The following CTSA variants were observed in gnomAD, a reference collection of about 807,000 sequenced individuals.
The protein encoded by CTSA is lysosomal protective protein.
CTSA carries 42 observed loss-of-function variants against 66.7 expected under a neutral mutation model. That is an observed-to-expected ratio of 0.63 (90% confidence interval 0.49 to 0.81). The LOEUF (loss-of-function observed/expected upper bound fraction) is 0.81, where lower values mean the gene tolerates loss of function less well. Ranked by LOEUF, CTSA falls within the 40% of genes least tolerant of loss-of-function variation. CTSA has a pLI of 0.00. For synonymous variants in CTSA, 225 were observed against 248.6 expected (o/e 0.91, Z 0.89); for missense variants, 525 against 610.9 (o/e 0.86, Z 1.48).
At chr20:45,897,601 G>A (rs2145823482) in intron 12 of CTSA, 116 bp from the exon 13 acceptor site, 2 of 738,868 alleles carry the variant, frequency 2.7e-6, no homozygotes, top group Admixed American at 3.9e-5. Context: ...AAAATTCCCT[G>A]GTTCGTGTTA....
At chr20:45,894,599 G>T (rs749219731) in intron 8 of CTSA, 51 bp from the exon 9 acceptor site, 1 of 1,503,952 alleles carries the variant, frequency 6.6e-7, no homozygotes, top group African/African-American at 1.4e-5. Context: ...TGGTGGGGTC[G>T]TGGAGAGGCT....
intron 11 of CTSA, 141 bp from the exon 12 acceptor site, chr20:45,896,824 G>A: frequency 1.4e-6 from 1 of 698,724 alleles, no homozygotes; most frequent in Non-Finnish European, 2.5e-6. Context: ...CTAGAGAGGT[G>A]GCCCCCCCCC....
At chr20:45,897,214 C>T (rs1460336615) in intron 12 of CTSA, 174 bp downstream of exon 12, 17 of 674,892 alleles carry the variant, frequency 2.5e-5, no homozygotes, top group Non-Finnish European at 4.0e-5. Context: ...TTTGTCCCCA[C>T]CCATGCTGTC....
chr20:45,892,389 C>T lies in CTSA; in HGVS notation c.358-9C>T. On this transcript the variant is annotated splice_polypyrimidine_tract_variant and intron_variant, in intron 4 of 14. Transcript: ENST00000646241. ...GGTGGCATTTAGCTAATTTTTCCCTCCCCTCTAGATTGCCAATGTGTTATA... is the reference window on the plus strand; with the variant it reads ...GGTGGCATTTAGCTAATTTTTCCCTTCCCTCTAGATTGCCAATGTGTTATA... 1 of 1,614,060 alleles carries T rather than the reference C, an allele frequency of 6.2e-7. No homozygotes were observed. The highest frequency in any genetic ancestry group is 1.7e-5 in the Admixed American group (1 of 60,018).
chr20:45,897,026 C>T lies in CTSA; in HGVS notation c.1150C>T (p.Leu384=). 6.2e-7 allele frequency: 1 copy of T among 1,613,534 alleles called. No homozygotes were observed. The highest frequency in any genetic ancestry group is 1.1e-5 in the South Asian group (1 of 91,068). The change falls in exon 12 of 15, where the codon CTG becomes TTG. Residue 384 remains leucine, a synonymous_variant. Coordinates refer to ENST00000646241, the MANE Select transcript of CTSA (RefSeq NM_000308.4). ...YRSMNSQYLK[L]LSSQKYQILL... ...AAGCATGAACTCCCAGTATCTGAAG[C>T]TGCTTAGCTCACAGGTGAGTGGGGA...
rs564815597 is a variant in CTSA at position 45,891,618 on chromosome 20, TG to T, written c.51del (p.Leu18CysfsTer2). The T allele has an allele frequency of 1.0e-2, 16,033 of 1,611,098 alleles. 732 individuals are homozygous for T. In the East Asian group the frequency reaches 0.14, roughly 14 times the overall value. On this transcript the variant is annotated frameshift_variant, in exon 2 of 15. Transcript: ENST00000646241. LOFTEE classifies it high-confidence loss of function. The surrounding 1 kb of genome is among the most constrained non-coding windows in gnomAD (Gnocchi z 4.6). ...PPLFLLLLLL[L>X]LLVSWASRGE... The stretch of plus-strand genomic sequence containing the variant: ...CTGTTCCTGCTGCTGCTGCTGCTGC[TG>T]CTGCTAGTGTCCTGGGCGTCCCGAG...
chr20:45,892,573 T>C (rs1456518569), intron 5 of CTSA, 89 bp downstream of exon 5: 1 of 1,515,212 alleles, frequency 6.6e-7, no homozygotes, highest in Non-Finnish European at 9.1e-7. Flanking sequence ...CCTTGGAGTC[T>C]ACTTTTCGCT....
At chr20:45,894,249 T>C (rs1987121097) in intron 8 of CTSA, 177 bp downstream of exon 8, 2 of 679,676 alleles carry the variant, frequency 2.9e-6, no homozygotes, top group African/African-American at 1.8e-5. Flanking sequence ...CCACCTCCTA[T>C]GGTGGCAAAT....
rs1326834012 is a variant in CTSA at position 45,892,831 on chromosome 20, TC to T, written c.555del (p.Thr186ProfsTer12). 1.2e-6 allele frequency: 2 copies of T among 1,614,146 alleles called. No homozygotes were observed. The highest frequency in any genetic ancestry group is 1.7e-6 in the Non-Finnish European group (2 of 1,180,022). Reference protein sequence around the residue: ...LTGESYAGIYIPTLAVLVMQD... With the variant: ...LTGESYAGIYXPTLAVLVMQD... The stretch of plus-strand genomic sequence containing the variant: ...GGGGAGAGCTATGCTGGCATCTACA[TC>T]CCCACCCTGGCCGTGCTGGTCATGC... On this transcript the variant is annotated frameshift_variant, in exon 6 of 15. Coordinates refer to ENST00000646241, the MANE Select transcript of CTSA (RefSeq NM_000308.4). LOFTEE classifies it high-confidence loss of function.
Position 45,892,006 on chromosome 20 carries a change from C to T in CTSA, c.285C>T (p.Leu95=). 6.2e-7 allele frequency: 1 copy of T among 1,614,030 alleles called. No individual in the cohort carries two copies. Among genetic ancestry groups the T allele is most frequent in the Non-Finnish European group, 8.5e-7 (1 of 1,179,894 alleles). Reference sequence around the variant, plus strand: ...GCTGCAGCTCACTAGATGGGCTCCTCACAGAGCATGGCCCCTTCCTGGTGA... The same window carrying T: ...GCTGCAGCTCACTAGATGGGCTCCTTACAGAGCATGGCCCCTTCCTGGTGA... ...GPGCSSLDGL[L]TEHGPFLVQP... The change falls in exon 3 of 15, where the codon CTC becomes CTT. Residue 95 remains leucine, a synonymous_variant. Coordinates refer to ENST00000646241, the MANE Select transcript of CTSA (RefSeq NM_000308.4).
chr20:45,898,151 A>G lies in CTSA; in HGVS notation c.1359+42A>G, dbSNP rs1299195371. On this transcript the variant is annotated intron_variant, in intron 14 of 14. Coordinates refer to ENST00000646241, the MANE Select transcript of CTSA (RefSeq NM_000308.4). This position sits in a 1 kb window ranked among gnomAD's most constrained non-coding sequence, Gnocchi z 4.6. Reference sequence around the variant, plus strand: ...CTGAGAGATAACTGGGCCGGAGGCAAAGGAGCAGGACCCACCCGTCCTTTC... The same window carrying G: ...CTGAGAGATAACTGGGCCGGAGGCAGAGGAGCAGGACCCACCCGTCCTTTC... 2 of 1,584,906 alleles carry G rather than the reference A, an allele frequency of 1.3e-6. No homozygotes were observed. The highest frequency in any genetic ancestry group is 2.7e-5 in the African/African-American group (2 of 74,298).
Position 45,891,576 on chromosome 20 carries a change from G to T in CTSA, c.8G>T (p.Arg3Leu), listed in dbSNP as rs752837853. MIRAAPPPLFLLL... is the reference protein window; with the variant it reads MILAAPPPLFLLL... ...CTCTGCTGCCTCCCGTAGATGATCC[G>T]AGCCGCGCCGCCGCCGCTGTTCCTG... Residue 3 changes from arginine to leucine, a missense_variant, in exon 2 of 15, where the codon CGA (arginine) becomes CTA (leucine). Physicochemically the swap from Arg to Leu is moderately radical, Grantham distance 102 (BLOSUM62 -2). This residue lies in a region of CTSA where 246 missense variants were observed against 267.4 expected (regional missense o/e 0.92). Coordinates refer to ENST00000646241, the MANE Select transcript of CTSA (RefSeq NM_000308.4). This position sits in a 1 kb window ranked among gnomAD's most constrained non-coding sequence, Gnocchi z 4.6. The T allele has an allele frequency of 1.9e-6, 3 of 1,598,394 alleles. No individual in the cohort carries two copies. The highest frequency in any genetic ancestry group is 3.4e-5 in the Admixed American group (2 of 58,528).
intron 13 of CTSA, 87 bp from the exon 14 acceptor site, chr20:45,897,918 T>C: frequency 6.5e-7 from 1 of 1,550,012 alleles, no homozygotes; most frequent in Non-Finnish European, 8.9e-7. Flanking sequence ...AGGGCAAGTG[T>C]GGAGGAATTC....
rs765245462 is a variant in CTSA at position 45,891,338 on chromosome 20, C to G, written c.-42C>G. 3.1e-5 allele frequency: 49 copies of G among 1,567,938 alleles called. No individual in the cohort carries two copies. The highest frequency in any genetic ancestry group is 1.8e-4 in the Middle Eastern group (1 of 5,674). ...GTGACTCGTACACATGACTTCCAGT[C>G]CCCGGGCGCCTCCTGGAGAGCAAGG... On this transcript the variant is annotated 5_prime_UTR_variant, in exon 1 of 15. Coordinates refer to ENST00000646241, the MANE Select transcript of CTSA (RefSeq NM_000308.4). This position sits in a 1 kb window ranked among gnomAD's most constrained non-coding sequence, Gnocchi z 4.6.
rs530752765 is a variant in CTSA at position 45,897,005 on chromosome 20, A to G, written c.1129A>G (p.Met377Val). ...NLQYRRLYRSMNSQYLKLLSS... is the reference protein window; with the variant it reads ...NLQYRRLYRSVNSQYLKLLSS... ...ACAGTACCGCCGTCTCTACCGAAGC[A>G]TGAACTCCCAGTATCTGAAGCTGCT... is the stretch of plus-strand genomic sequence containing the variant. The change falls in exon 12 of 15, where the codon ATG becomes GTG. Residue 377 changes from methionine to valine, a missense_variant. By Grantham distance (21) the Met-to-Val change is conservative (BLOSUM62 1). This residue lies in a region of CTSA where 274 missense variants were observed against 321.1 expected (regional missense o/e 0.85). Coordinates refer to ENST00000646241, the MANE Select transcript of CTSA (RefSeq NM_000308.4). The G allele has an allele frequency of 1.2e-6, 2 of 1,613,994 alleles. No homozygotes were observed. The highest frequency in any genetic ancestry group is 4.5e-5 in the East Asian group (2 of 44,898).
intron 7 of CTSA, 171 bp downstream of exon 7, chr20:45,893,482 C>CT: frequency 5.7e-6 from 3 of 525,492 alleles, no homozygotes; most frequent in South Asian, 4.2e-5. Flanking sequence ...GTTTTTCTTT[C>CT]TTTCTTTTTT....
intron 10 of CTSA, 23 bp from the exon 11 acceptor site, chr20:45,894,971 G>A: frequency 6.2e-7 from 1 of 1,614,152 alleles, no homozygotes. Flanking sequence ...CAGAGGCCCT[G>A]ACCCACTGTC....
Position 45,898,603 on chromosome 20 carries a change from G to A in CTSA, c.*153G>A, listed in dbSNP as rs1170351237. 1.2e-6 allele frequency: 1 copy of A among 815,372 alleles called. No individual in the cohort carries two copies. The highest frequency in any genetic ancestry group is 2.0e-6 in the Non-Finnish European group (1 of 490,212). 50.5% of individuals were successfully genotyped at this position (815,372 alleles called of 1,614,324 possible). A position where few individuals can be genotyped will look rare whatever the true frequency, so the allele number is the denominator to read the frequency against. ...CCCTGTACATCCCAGACTGGGCCCA[G>A]GGTCTCCCATAGACAGCCTGGGGGC... is the stretch of plus-strand genomic sequence containing the variant. On this transcript the variant is annotated 3_prime_UTR_variant, in exon 15 of 15. Transcript: ENST00000646241. This position sits in a 1 kb window ranked among gnomAD's most constrained non-coding sequence, Gnocchi z 4.6.
Position 45,892,475 on chromosome 20 carries a change from T to G in CTSA, c.435T>G (p.Asn145Lys). 1 of 1,614,150 alleles carries G rather than the reference T, an allele frequency of 6.2e-7. No homozygotes were observed. The highest frequency in any genetic ancestry group is 8.5e-7 in the Non-Finnish European group (1 of 1,179,998). ...CCGATGACAAGTTTTATGCAACTAA[T>G]GACACTGAGGTGAGTCTGGTGCCTG... is the stretch of plus-strand genomic sequence containing the variant. ...SYSDDKFYAT[N>K]DTEVAQSNFE... is the part of the protein sequence containing the mutation. The change falls in exon 5 of 15, where the codon AAT becomes AAG. Residue 145 changes from asparagine to lysine, a missense_variant. Physicochemically the swap from Asn to Lys is moderately conservative, Grantham distance 94. Coordinates refer to ENST00000646241, the MANE Select transcript of CTSA (RefSeq NM_000308.4).
Sources: allele counts gnomAD v4.1 joint callset, GRCh38; gene constraint gnomAD v4.1.1; regional missense constraint gnomAD v4.1.1; non-coding constraint Gnocchi (gnomAD v3.1); transcripts MANE v1.5; gene names NCBI Gene and HGNC (gene_info 2026-07-23, HGNC 2026-07-21).